Variants in ANKFN1 observed in about 807,000 individuals in gnomAD.
ANKFN1 encodes the protein ankyrin repeat and fibronectin type-III domain-containing protein 1.
A neutral mutation model predicts 108.7 loss-of-function variants in ANKFN1; 74 were observed. The ratio of observed to expected loss-of-function variants is 0.68; its 90% CI spans 0.56 to 0.83. ANKFN1 has a LOEUF of 0.83. ANKFN1 is among the 40% of genes least tolerant of loss of function. ANKFN1 has a pLI of 0.00. For missense variants in ANKFN1, 1,505 were observed against 1,382.3 expected (o/e 1.09, Z -1.41); for synonymous variants, 547 against 516.2 (o/e 1.06, Z -0.81).
chr17:56,353,971 G>A lies in ANKFN1; in HGVS notation c.526G>A (p.Asp176Asn). Residue 176 changes from aspartate to asparagine, a missense_variant, in exon 6 of 21, where the codon GAT (aspartate) becomes AAT (asparagine). Transcript: ENST00000682825. ...TPNSEGLTPL[D>N]IAIMTNNVPI... ...TAACAGCGAGGGCTTGACACCCCTG[G>A]ATATTGCCATCATGACCAACAATGT... is the stretch of plus-strand genomic sequence containing the variant. The A allele has an allele frequency of 1.9e-6, 3 of 1,613,910 alleles. No homozygotes were observed. Among genetic ancestry groups the A allele is most frequent in the Non-Finnish European group, 1.7e-6 (2 of 1,179,964 alleles).
At chr17:56,194,448 G>C (rs745688672) in intron 1 of ANKFN1, among the ~76,000 whole-genome samples, 8 of 152,136 alleles carry the variant, frequency 5.3e-5, no homozygotes, top group Middle Eastern at 3.2e-3. Context: ...GAGCTCACAA[G>C]TCATGAAAAG....
chr17:56,210,486 T>C (rs1353383720), intron 1 of ANKFN1, among the ~76,000 whole-genome samples: 1 of 152,230 alleles, frequency 6.6e-6, no homozygotes, highest in East Asian at 1.9e-4. Context: ...TCCCTGATAA[T>C]TCATGATGTT....
intron 4 of ANKFN1, among the ~76,000 whole-genome samples, chr17:56,119,231 A>G (rs955854447): frequency 6.6e-6 from 1 of 152,166 alleles, no homozygotes; most frequent in Non-Finnish European, 1.5e-5. Flanking sequence ...TTCTAGGACT[A>G]GACCTTGAGG....
intron 1 of ANKFN1, among the ~76,000 whole-genome samples, chr17:56,174,021 G>T (rs1567817688): frequency 6.6e-6 from 1 of 152,210 alleles, no homozygotes; most frequent in East Asian, 1.9e-4. Flanking sequence ...GAGTCCTGGG[G>T]CCAGGCAGGT....
chr17:56,200,084 G>A (rs1913912800), intron 1 of ANKFN1, among the ~76,000 whole-genome samples: 1 of 152,160 alleles, frequency 6.6e-6, no homozygotes, highest in South Asian at 2.1e-4. Context: ...ATGAATGATG[G>A]CAAGCAGATC....
chr17:56,314,797 T>A (rs145004350), intron 3 of ANKFN1, among the ~76,000 whole-genome samples: 104 of 152,356 alleles, frequency 6.8e-4, no homozygotes, highest in African/African-American at 2.1e-3. Flanking sequence ...TACAGCATCC[T>A]GAACCTCAGG....
intron 4 of ANKFN1, among the ~76,000 whole-genome samples, chr17:56,050,334 T>C (rs377519458): frequency 6.7e-6 from 1 of 148,642 alleles, no homozygotes; most frequent in East Asian, 1.9e-4. Context: ...TTCTCCCATT[T>C]TGTAGGTTGC....
Position 56,367,358 on chromosome 17 carries a change from GA to G in ANKFN1, c.602-5284del, listed in dbSNP as rs1267359615. ...CCATAGGTTAGATTCTAATGGTGAA[GA>G]AAATCCCTTCAGTCCCTGATCATTG... On this transcript the variant is annotated intron_variant, in intron 6 of 20. Coordinates refer to ENST00000682825, the MANE Select transcript of ANKFN1 (RefSeq NM_001370326.1). Among the ~76,000 whole-genome samples the G allele has an allele frequency of 2.6e-5, 4 of 152,314 alleles. No homozygotes were observed. The East Asian group carries it at 7.7e-4, about 29-fold the overall frequency.
intron 8 of ANKFN1, among the ~76,000 whole-genome samples, chr17:56,427,032 C>G (rs1314277760): frequency 1.3e-5 from 2 of 152,162 alleles, no homozygotes; most frequent in African/African-American, 4.8e-5. Context: ...AGAAAAAAGC[C>G]CAAAATAGCA....
chr17:56,347,545 G>C lies in ANKFN1; in HGVS notation c.189-3221G>C, dbSNP rs543341640. On this transcript the variant is annotated intron_variant, in intron 4 of 20. Transcript: ENST00000682825. ...AAGCTACACTGATTCTCAAATGCTT[G>C]TCTCTTTCCATAAGGGTAAAAATTT... is the stretch of plus-strand genomic sequence containing the variant. Among the ~76,000 whole-genome samples, 4 of 152,102 alleles carry C rather than the reference G, an allele frequency of 2.6e-5. No individual in the cohort carries two copies. In the South Asian group the frequency reaches 8.3e-4, roughly 32 times the overall value.
intron 3 of ANKFN1, among the ~76,000 whole-genome samples, chr17:56,243,100 G>A (rs2144012150): frequency 6.6e-6 from 1 of 152,174 alleles, no homozygotes; most frequent in South Asian, 2.1e-4. Context: ...TCACTTGTAA[G>A]AATAGTCTAT....
At chr17:56,358,077 A>T (rs1449908611) in intron 6 of ANKFN1, among the ~76,000 whole-genome samples, 1 of 152,150 alleles carries the variant, frequency 6.6e-6, no homozygotes, top group South Asian at 2.1e-4. Context: ...TAGATGCTCA[A>T]TTCCTCCCTA....
At chr17:56,091,414 C>A (rs1161720589) in intron 4 of ANKFN1, among the ~76,000 whole-genome samples, 2 of 114,384 alleles carry the variant, frequency 1.7e-5, no homozygotes, top group African/African-American at 6.7e-5. Flanking sequence ...TTCTTCCAAA[C>A]AAATCACACA....
chr17:56,494,634 T>C (rs963632912), intron 19 of ANKFN1, among the ~76,000 whole-genome samples: 4 of 152,132 alleles, frequency 2.6e-5, no homozygotes, highest in Admixed American at 1.3e-4. Context: ...TGATAAACTC[T>C]GGAGTACTGG....
At chr17:56,167,416 A>G (rs80158838) in intron 1 of ANKFN1, among the ~76,000 whole-genome samples, 3,416 of 151,364 alleles carry the variant, frequency 0.023, 134 homozygotes, top group African/African-American at 0.079. Context: ...ATAATAAGGG[A>G]TAAAATACTT....
chr17:56,261,343 T>G (rs983151337), intron 3 of ANKFN1, among the ~76,000 whole-genome samples: 3 of 152,238 alleles, frequency 2.0e-5, no homozygotes, highest in African/African-American at 7.2e-5. Context: ...TATGTGTTAG[T>G]TCCCCTTTGC....
At chr17:56,165,258 A>C (rs1253460462) in intron 1 of ANKFN1, among the ~76,000 whole-genome samples, 2 of 152,072 alleles carry the variant, frequency 1.3e-5, no homozygotes, top group African/African-American at 4.8e-5. Context: ...ATGGCTTACC[A>C]ATTACTTTTT....
intron 3 of ANKFN1, among the ~76,000 whole-genome samples, chr17:56,325,655 C>T (rs891149716): frequency 1.3e-5 from 2 of 152,126 alleles, no homozygotes; most frequent in African/African-American, 4.8e-5. Context: ...TCTTAAGATG[C>T]CCCCTAGCTC....
chr17:56,461,083 G>A (rs978591557), intron 14 of ANKFN1, among the ~76,000 whole-genome samples: 1 of 152,200 alleles, frequency 6.6e-6, no homozygotes, highest in African/African-American at 2.4e-5. Flanking sequence ...CAGTGTTTTA[G>A]GGAAGGGAAG....
Sources: gnomAD v4.1 joint callset for allele counts (sites outside exome capture counted in the v4.1 genomes callset) on GRCh38, gnomAD v4.1.1 for gene constraint, MANE v1.5 for transcripts, NCBI Gene and HGNC (gene_info 2026-07-23, HGNC 2026-07-21) for gene names.